The following GALNT13 variants were observed in gnomAD, a reference collection of about 807,000 sequenced individuals.
GALNT13 encodes UDP-GalNAc:polypeptide N-acetylgalactosaminyltransferase 13.
A neutral mutation model predicts 64.2 loss-of-function variants in GALNT13; 28 were observed. The ratio of observed to expected loss-of-function variants is 0.44; its 90% confidence interval spans 0.32 to 0.60. The LOEUF (loss-of-function observed/expected upper bound fraction) is 0.60. Ranked by LOEUF, GALNT13 falls within the 20% of genes least tolerant of loss-of-function variation. The probability of loss-of-function intolerance (pLI) is 0.05; values close to 1 mark genes in which losing one functional copy is unlikely to be tolerated. For missense variants in GALNT13, 577 were observed against 669.8 expected (o/e 0.86, Z 1.53); for synonymous variants, 214 against 224.6 (o/e 0.95, Z 0.42).
At chr2:154,121,465 T>C (rs1234054173) in intron 3 of GALNT13, among the ~76,000 whole-genome samples, 2 of 152,186 alleles carry the variant, frequency 1.3e-5, no homozygotes, top group African/African-American at 4.8e-5. Flanking sequence ...ACACTATTTC[T>C]AAATTTATTT....
the GALNT13 span, among the ~76,000 whole-genome samples, chr2:153,675,921 C>A: frequency 6.6e-6 from 1 of 151,896 alleles, no homozygotes. Context: ...TTAGAAAGAT[C>A]TCATATTAAC....
chr2:153,718,299 T>C, the GALNT13 span, among the ~76,000 whole-genome samples: 29 of 152,014 alleles, frequency 1.9e-4, no homozygotes, highest in Non-Finnish European at 3.7e-4. Context: ...TTAAGATTGA[T>C]CCAAAGCCAG....
At chr2:153,574,726 T>C in the GALNT13 span, among the ~76,000 whole-genome samples, 21 of 152,008 alleles carry the variant, frequency 1.4e-4, no homozygotes, top group Non-Finnish European at 2.4e-4. Context: ...TTTTTTTTTT[T>C]TTCAGTTTGT....
At chr2:154,276,723 C>T (rs908960890) in intron 8 of GALNT13, among the ~76,000 whole-genome samples, 1 of 152,124 alleles carries the variant, frequency 6.6e-6, no homozygotes, top group African/African-American at 2.4e-5. Context: ...TTGTAGTTCC[C>T]ATAATCCCCT....
At chr2:154,069,335 C>T (rs1700626880) in intron 3 of GALNT13, among the ~76,000 whole-genome samples, 1 of 151,726 alleles carries the variant, frequency 6.6e-6, no homozygotes, top group Non-Finnish European at 1.5e-5. Context: ...AAAAAAATAA[C>T]TGTACTGTTA....
At chr2:153,950,756 A>G (rs554008391) in intron 3 of GALNT13, among the ~76,000 whole-genome samples, 3 of 152,246 alleles carry the variant, frequency 2.0e-5, no homozygotes, top group African/African-American at 7.2e-5. Context: ...AGAGACTTCC[A>G]TCAACATGAT....
At chr2:153,186,314 T>C in the GALNT13 span, among the ~76,000 whole-genome samples, 1 of 152,192 alleles carries the variant, frequency 6.6e-6, no homozygotes, top group Non-Finnish European at 1.5e-5. Context: ...TAGTAATTTT[T>C]CCTCCACCTC....
At chr2:153,712,336 G>A in the GALNT13 span, among the ~76,000 whole-genome samples, 4 of 152,164 alleles carry the variant, frequency 2.6e-5, no homozygotes, top group Non-Finnish European at 5.9e-5. Context: ...ATAGCTCACT[G>A]AGATTTAAGA....
the GALNT13 span, among the ~76,000 whole-genome samples, chr2:153,638,123 A>G: frequency 3.9e-5 from 6 of 151,916 alleles, no homozygotes; most frequent in African/African-American, 1.5e-4. Context: ...AAAATCCTGG[A>G]GGTATAATGT....
the GALNT13 span, among the ~76,000 whole-genome samples, chr2:153,660,127 A>G: frequency 1.3e-5 from 2 of 152,138 alleles, no homozygotes; most frequent in Non-Finnish European, 2.9e-5. Flanking sequence ...TTTGGTGAAA[A>G]TAACACAGCA....
chr2:153,617,167 C>T, the GALNT13 span, among the ~76,000 whole-genome samples: 1 of 152,018 alleles, frequency 6.6e-6, no homozygotes, highest in South Asian at 2.1e-4. Flanking sequence ...AGACTTTCAG[C>T]TTTTCTCCAT....
the GALNT13 span, among the ~76,000 whole-genome samples, chr2:153,434,274 G>A: frequency 6.6e-6 from 1 of 152,114 alleles, no homozygotes; most frequent in South Asian, 2.1e-4. Context: ...ATTGTGAATA[G>A]TGCTGCAATA....
At chr2:153,655,524 T>C in the GALNT13 span, among the ~76,000 whole-genome samples, 8 of 152,226 alleles carry the variant, frequency 5.3e-5, no homozygotes, top group Non-Finnish European at 7.4e-5. Context: ...TCCAAACCAA[T>C]GAACATGAGA....
At chr2:154,401,490 A>G (rs942837033) in intron 10 of GALNT13, among the ~76,000 whole-genome samples, 1 of 152,130 alleles carries the variant, frequency 6.6e-6, no homozygotes, top group Non-Finnish European at 1.5e-5. Context: ...GAATATGTGT[A>G]TGTGTAAGGA....
At chr2:154,269,159 T>A (rs1402039781) in intron 8 of GALNT13, among the ~76,000 whole-genome samples, 1 of 152,042 alleles carries the variant, frequency 6.6e-6, no homozygotes, top group Non-Finnish European at 1.5e-5. Flanking sequence ...CAGAATAGTA[T>A]GGTAAATGAG....
chr2:154,287,854 A>C (rs1692361854), intron 8 of GALNT13, among the ~76,000 whole-genome samples: 1 of 152,032 alleles, frequency 6.6e-6, no homozygotes, highest in South Asian at 2.1e-4. Flanking sequence ...TGTGGGATTC[A>C]GTACCTTAGA....
chr2:154,135,112 C>G lies in GALNT13; in HGVS notation c.143-5225C>G, dbSNP rs528428377. ...TATGTACAGATTATTGCTGACTGTTCATTCAAGCAGTAGTTTACTTGATAT... is the reference window on the plus strand; with the variant it reads ...TATGTACAGATTATTGCTGACTGTTGATTCAAGCAGTAGTTTACTTGATAT... On this transcript the variant is annotated intron_variant, in intron 3 of 12. Transcript: ENST00000392825. Among the ~76,000 whole-genome samples, 295 of 152,322 alleles carry G rather than the reference C, an allele frequency of 1.9e-3. 2 individuals carry two copies. The South Asian group carries it at 0.026, about 13-fold the overall frequency.
At chr2:154,084,340 A>C (rs1297642009) in intron 3 of GALNT13, among the ~76,000 whole-genome samples, 1 of 151,896 alleles carries the variant, frequency 6.6e-6, no homozygotes, top group African/African-American at 2.4e-5. Flanking sequence ...AGTTTCTACT[A>C]TACCAGTTTG....
the GALNT13 span, among the ~76,000 whole-genome samples, chr2:153,406,440 C>G: frequency 2.6e-5 from 4 of 151,986 alleles, no homozygotes; most frequent in African/African-American, 9.7e-5. Context: ...CTGAGTCTCA[C>G]TCTGTTGCCC....
Sources: allele counts gnomAD v4.1 joint callset (sites outside exome capture counted in the v4.1 genomes callset), GRCh38; gene constraint gnomAD v4.1.1; transcripts MANE v1.5; gene names NCBI Gene and HGNC (gene_info 2026-07-23, HGNC 2026-07-21).